Variants in TAOK3 observed in about 807,000 individuals in gnomAD.
TAOK3 encodes the protein serine/threonine-protein kinase TAO3.
In TAOK3, 40 loss-of-function variants were observed where a neutral mutation model predicts 120.4. The observed-to-expected ratio is 0.33, with a 90% CI of 0.26 to 0.43. The LOEUF (loss-of-function observed/expected upper bound fraction) is 0.43. TAOK3 is among the 20% of genes least tolerant of loss of function. The pLI is 1.00. For synonymous variants in TAOK3, 355 were observed against 387.5 expected (o/e 0.92, Z 0.99); for missense variants, 821 against 1,112.1 (o/e 0.74, Z 3.72).
intron 17 of TAOK3, among the ~76,000 whole-genome samples, chr12:118,167,385 G>A (rs986302164): frequency 6.6e-6 from 1 of 151,886 alleles, no homozygotes; most frequent in Non-Finnish European, 1.5e-5. Context: ...TTCCGAAAAT[G>A]TATCCCCCAA....
In TAOK3 at chr12:118,161,958, G is replaced by C. The variant is rs1334517737; in HGVS notation, c.1969C>G (p.Arg657Gly). The change falls in exon 18 of 21, where the codon CGA (arginine) becomes GGA (glycine). Residue 657 changes from arginine to glycine, a missense_variant. This residue lies in a region of TAOK3 where 354 missense variants were observed against 572.1 expected (regional missense o/e 0.62). Transcript: ENST00000392533. The surrounding 1 kb of genome is among the most constrained non-coding windows in gnomAD (Gnocchi z 4.5). ...AMLIRHDEST[R>G]ELEYRQLHTL... ...TGCAGCTGCCTGTACTCTAGCTCTC[G>C]GGTGGACTCGTCGTGCCGGATTAGC... The C allele has an allele frequency of 1.9e-6, 3 of 1,614,068 alleles. No homozygotes were observed. The highest frequency in any genetic ancestry group is 1.6e-4 in the Middle Eastern group (1 of 6,062).
At chr12:118,260,674 A>G (rs2041188772) in intron 2 of TAOK3, among the ~76,000 whole-genome samples, 1 of 152,126 alleles carries the variant, frequency 6.6e-6, no homozygotes, top group Admixed American at 6.5e-5. Flanking sequence ...CCTTTATTTT[A>G]TGCATATATG....
chr12:118,366,503 C>T (rs564702076), intron 1 of TAOK3, among the ~76,000 whole-genome samples: 1 of 152,152 alleles, frequency 6.6e-6, no homozygotes, highest in South Asian at 2.1e-4. Flanking sequence ...TAAATATATA[C>T]TGCACAGAGT....
At chr12:118,344,495 T>C (rs2044767891) in intron 1 of TAOK3, among the ~76,000 whole-genome samples, 1 of 152,038 alleles carries the variant, frequency 6.6e-6, no homozygotes, top group Admixed American at 6.6e-5. Context: ...ATGATGGAAA[T>C]CCCACCTAAG....
chr12:118,287,266 T>C (rs1425079111), intron 1 of TAOK3, among the ~76,000 whole-genome samples: 1 of 152,178 alleles, frequency 6.6e-6, no homozygotes, highest in Non-Finnish European at 1.5e-5. Flanking sequence ...TGAATTCCTT[T>C]TTTTTGAAAT....
At chr12:118,365,059 A>C (rs2045705806) in intron 1 of TAOK3, among the ~76,000 whole-genome samples, 1 of 152,222 alleles carries the variant, frequency 6.6e-6, no homozygotes, top group South Asian at 2.1e-4. Flanking sequence ...TCAAGACTTT[A>C]GTAACTGCCC....
At chr12:118,364,175 A>G (rs1485124499) in intron 1 of TAOK3, among the ~76,000 whole-genome samples, 2 of 152,172 alleles carry the variant, frequency 1.3e-5, no homozygotes, top group East Asian at 3.8e-4. Context: ...AGGTTTATAA[A>G]TCTGTACTGA....
chr12:118,209,487 C>T (rs2038508035), intron 11 of TAOK3, among the ~76,000 whole-genome samples: 1 of 152,106 alleles, frequency 6.6e-6, no homozygotes, highest in Non-Finnish European at 1.5e-5. Flanking sequence ...ACTGCAACCT[C>T]CTAGTTGATC....
chr12:118,345,619 A>C (rs1207482763), intron 1 of TAOK3, among the ~76,000 whole-genome samples: 1 of 152,172 alleles, frequency 6.6e-6, no homozygotes, highest in Non-Finnish European at 1.5e-5. Context: ...GGAGAAAAAA[A>C]CAGACAGTTT....
Position 118,243,433 on chromosome 12 carries a change from C to G in TAOK3, c.276G>C (p.Leu92Phe). Residue 92 changes from leucine (L) to phenylalanine (F), a missense_variant, in exon 5 of 21, where the codon TTG becomes TTC. Physicochemically the swap from Leu to Phe is conservative, Grantham distance 22. This residue lies in a region of TAOK3 where 467 missense variants were observed against 540.0 expected (regional missense o/e 0.86). Transcript: ENST00000392533. ...PNTIEYKGCY[L>F]KEHTAWLVME... is the part of the protein sequence containing the mutation. Reference sequence around the variant, plus strand: ...GACTTACCCAAGCAGTGTGTTCTTTCAAGTAACAGCCTTTGTACTCAATAG... The same window carrying G: ...GACTTACCCAAGCAGTGTGTTCTTTGAAGTAACAGCCTTTGTACTCAATAG... The G allele has an allele frequency of 6.4e-7, 1 of 1,569,302 alleles. No homozygotes were observed. Among genetic ancestry groups the G allele is most frequent in the Non-Finnish European group, 8.6e-7 (1 of 1,160,940 alleles).
At chr12:118,157,039 C>T (rs554291366) in intron 19 of TAOK3, among the ~76,000 whole-genome samples, 1 of 152,246 alleles carries the variant, frequency 6.6e-6, no homozygotes, top group African/African-American at 2.4e-5. Context: ...CATGCCTGGC[C>T]CATCATCTAC....
At chr12:118,288,637 C>A (rs1487254988) in intron 1 of TAOK3, among the ~76,000 whole-genome samples, 14 of 152,064 alleles carry the variant, frequency 9.2e-5, no homozygotes, top group Non-Finnish European at 2.1e-4. Context: ...ATGCTTAAGC[C>A]AGGGGCGGTG....
In TAOK3 at chr12:118,189,847, C is replaced by A; in HGVS notation, c.1289G>T (p.Arg430Leu). 1 of 1,614,160 alleles carries A rather than the reference C, an allele frequency of 6.2e-7. No individual in the cohort carries two copies. The highest frequency in any genetic ancestry group is 8.5e-7 in the Non-Finnish European group (1 of 1,180,028). ...QSVQSQALHYRNRERFATIKS... is the reference protein window; with the variant it reads ...QSVQSQALHYLNRERFATIKS... Reference sequence around the variant, plus strand: ...GATCGTGGCAAAGCGCTCTCTGTTCCGGTAGTGGAGGGCCTGGCTCTGAAC... The same window carrying A: ...GATCGTGGCAAAGCGCTCTCTGTTCAGGTAGTGGAGGGCCTGGCTCTGAAC... The change falls in exon 14 of 21, where the codon CGG becomes CTG. Residue 430 changes from arginine to leucine, a missense_variant. This residue lies in a region of TAOK3 where 467 missense variants were observed against 540.0 expected (regional missense o/e 0.86). Transcript: ENST00000392533.
intron 16 of TAOK3, among the ~76,000 whole-genome samples, chr12:118,176,775 T>G (rs2036363715): frequency 6.6e-6 from 1 of 152,146 alleles, no homozygotes; most frequent in African/African-American, 2.4e-5. Context: ...AGGTAATTTT[T>G]TTTTTTTTGA....
chr12:118,359,955 T>C (rs1437702478), intron 1 of TAOK3, among the ~76,000 whole-genome samples: 1 of 152,178 alleles, frequency 6.6e-6, no homozygotes, highest in East Asian at 1.9e-4. Context: ...ATTATTTTTC[T>C]AAGATGCGCG....
rs907618612 is a variant in TAOK3, at chr12:118,161,074, G to A, written c.2139+714C>T. Among the ~76,000 whole-genome samples, 7 of 152,200 alleles carry A rather than the reference G, an allele frequency of 4.6e-5. No individual in the cohort carries two copies. The highest frequency in any genetic ancestry group is 1.7e-4 in the African/African-American group (7 of 41,444). On this transcript the variant is annotated intron_variant, in intron 18 of 20. Transcript: ENST00000392533. This position sits in a 1 kb window ranked among gnomAD's most constrained non-coding sequence, Gnocchi z 4.5. ...CCCCACAGTCATGTGTGCACTTCAC[G>A]AACACTCTGAGGACTTATGGTGATA...
chr12:118,189,684 A>G, intron 14 of TAOK3, 123 bp downstream of exon 14: 1 of 1,200,302 alleles, frequency 8.3e-7, no homozygotes, highest in South Asian at 1.5e-5. Context: ...ATTAGGAGAG[A>G]GAAAACATTC....
At chr12:118,222,201 T>A (rs1343425774) in intron 9 of TAOK3, among the ~76,000 whole-genome samples, 1 of 151,984 alleles carries the variant, frequency 6.6e-6, no homozygotes, top group Admixed American at 6.6e-5. Context: ...CGGAAAGATA[T>A]GGAATGAACC....
intron 1 of TAOK3, among the ~76,000 whole-genome samples, chr12:118,335,345 A>G (rs1381255005): frequency 6.6e-6 from 1 of 152,172 alleles, no homozygotes. Flanking sequence ...AATACTATGA[A>G]CAACTTTATG....
Sources: gnomAD v4.1 joint callset for allele counts (sites outside exome capture counted in the v4.1 genomes callset) on GRCh38, gnomAD v4.1.1 for gene constraint, gnomAD v4.1.1 regional missense constraint, Gnocchi (gnomAD v3.1) non-coding constraint, MANE v1.5 for transcripts, NCBI Gene and HGNC (gene_info 2026-07-23, HGNC 2026-07-21) for gene names.